The following RCL1 variants were observed in gnomAD, a reference collection of about 807,000 sequenced individuals.
RCL1 encodes the protein RNA terminal phosphate cyclase like 1, also known as RNA 3'-terminal phosphate cyclase-like protein.
In RCL1, 24 loss-of-function variants were observed where a neutral mutation model predicts 42.4. The observed-to-expected ratio is 0.57, with a 90% CI of 0.41 to 0.80. The LOEUF (loss-of-function observed/expected upper bound fraction) is 0.80, where lower values mean the gene tolerates loss of function less well. RCL1 is among the 30% of genes least tolerant of loss of function. RCL1 has a pLI of 0.00. For missense variants in RCL1, 578 were observed against 467.9 expected (o/e 1.24, Z -2.17); for synonymous variants, 228 against 177.3 (o/e 1.29, Z -2.27).
intron 5 of RCL1, 49 bp from the exon 6 acceptor site, chr9:4,841,183 C>A (rs763800528): frequency 6.2e-7 from 1 of 1,609,244 alleles, no homozygotes; most frequent in Non-Finnish European, 8.5e-7. Context: ...ACTGATTTTT[C>A]TCTGTCCTGG....
intron 1 of RCL1, among the ~76,000 whole-genome samples, chr9:4,816,290 C>G (rs1483238956): frequency 6.6e-6 from 1 of 152,158 alleles, no homozygotes; most frequent in Non-Finnish European, 1.5e-5. Context: ...TCTTTTGACA[C>G]TTTCAGTGTA....
intron 4 of RCL1, 65 bp from the exon 5 acceptor site, chr9:4,834,076 C>T: frequency 1.3e-6 from 2 of 1,553,842 alleles, no homozygotes; most frequent in Admixed American, 1.8e-5. Flanking sequence ...CCTTCCTGGG[C>T]AGGGTGTCAG....
chr9:4,835,220 G>A (rs892328139), intron 5 of RCL1, among the ~76,000 whole-genome samples: 6 of 152,214 alleles, frequency 3.9e-5, no homozygotes, highest in South Asian at 2.1e-4. Flanking sequence ...TATGCAGAAC[G>A]CAAAGAAAGG....
intron 7 of RCL1, among the ~76,000 whole-genome samples, chr9:4,847,370 G>A (rs554317073): frequency 1.2e-4 from 18 of 152,288 alleles, no homozygotes; most frequent in Non-Finnish European, 1.5e-5. Flanking sequence ...GATTGAATGA[G>A]TGGTAAAAAA....
chr9:4,840,887 G>A (rs1377906369), intron 5 of RCL1, among the ~76,000 whole-genome samples: 2 of 152,000 alleles, frequency 1.3e-5, no homozygotes, highest in African/African-American at 2.4e-5. Context: ...GCTTCAGAGG[G>A]AGCCTGGATC....
intron 1 of RCL1, among the ~76,000 whole-genome samples, chr9:4,793,465 A>G (rs1842865236): frequency 6.6e-6 from 1 of 152,254 alleles, no homozygotes; most frequent in South Asian, 2.1e-4. Flanking sequence ...GGGCGCTGGT[A>G]GTAAACAGCT....
At position 4,860,982 on chromosome 9, in the gene RCL1, G is replaced by A. The variant is rs1304138838; in HGVS notation, c.*707G>A. The A allele has an allele frequency of 6.6e-6, 1 of 152,136 alleles. No individual in the cohort carries two copies. The highest frequency in any genetic ancestry group is 1.5e-5 in the Non-Finnish European group (1 of 68,022). 9.4% of individuals were successfully genotyped at this position (152,136 alleles called of 1,614,324 possible). A position where few individuals can be genotyped will look rare whatever the true frequency, so the allele number is the denominator to read the frequency against. ...TTCACAATAGCTCTGTGATGTAAGT[G>A]CTATCTCCATGAGAAAATTCATAAA... On this transcript the variant is annotated 3_prime_UTR_variant, in exon 9 of 9. Transcript: ENST00000381750.
At chr9:4,795,732 T>C (rs1203889438) in intron 1 of RCL1, among the ~76,000 whole-genome samples, 1 of 152,206 alleles carries the variant, frequency 6.6e-6, no homozygotes, top group African/African-American at 2.4e-5. Context: ...TCCCTCATGG[T>C]GTGGGCTTTG....
chr9:4,830,323 G>C (rs1816904931), intron 3 of RCL1, among the ~76,000 whole-genome samples: 1 of 152,184 alleles, frequency 6.6e-6, no homozygotes, highest in Non-Finnish European at 1.5e-5. Flanking sequence ...GGAAACTTGA[G>C]CTTGCTTGTA....
intron 1 of RCL1, among the ~76,000 whole-genome samples, chr9:4,817,881 T>C (rs190912893): frequency 6.6e-6 from 1 of 151,710 alleles, no homozygotes; most frequent in African/African-American, 2.4e-5. Context: ...ATTTCTAAAC[T>C]CTCAGTTCAT....
At chr9:4,836,274 G>C (rs72697985) in intron 5 of RCL1, among the ~76,000 whole-genome samples, 5,403 of 152,242 alleles carry the variant, frequency 0.035, 140 homozygotes, top group South Asian at 0.13. Context: ...GTTGGATGCA[G>C]GTTGGCAAGG....
chr9:4,800,948 T>C (rs7018567), intron 1 of RCL1, among the ~76,000 whole-genome samples: 24,542 of 152,074 alleles, frequency 0.16, 2,279 homozygotes, highest in South Asian at 0.35. Flanking sequence ...GCCACCACAC[T>C]GGCCTGGATG....
At chr9:4,796,092 G>A (rs1842909288) in intron 1 of RCL1, among the ~76,000 whole-genome samples, 1 of 152,132 alleles carries the variant, frequency 6.6e-6, no homozygotes, top group Non-Finnish European at 1.5e-5. Flanking sequence ...TTTTTTTAAA[G>A]AAATTTTATT....
intron 8 of RCL1, among the ~76,000 whole-genome samples, chr9:4,853,488 AT>A (rs1817828240): frequency 6.6e-6 from 1 of 151,952 alleles, no homozygotes; most frequent in South Asian, 2.1e-4. Context: ...TGCCCGGCTA[AT>A]TTTTTGTATT....
chr9:4,836,084 G>C (rs776354525), intron 5 of RCL1, among the ~76,000 whole-genome samples: 1 of 152,102 alleles, frequency 6.6e-6, no homozygotes, highest in Non-Finnish European at 1.5e-5. Context: ...GTAAAGATGT[G>C]CCTTCACAGG....
At chr9:4,815,800 C>T (rs907428103) in intron 1 of RCL1, among the ~76,000 whole-genome samples, 3 of 152,110 alleles carry the variant, frequency 2.0e-5, no homozygotes, top group African/African-American at 7.2e-5. Context: ...CAGCTTAGGC[C>T]TATGAGGACT....
At chr9:4,855,593 C>T (rs543242093) in intron 8 of RCL1, among the ~76,000 whole-genome samples, 49 of 152,030 alleles carry the variant, frequency 3.2e-4, no homozygotes, top group Non-Finnish European at 5.6e-4. Context: ...ATTTGCTTTT[C>T]GTTTTCTTAA....
intron 1 of RCL1, among the ~76,000 whole-genome samples, chr9:4,811,742 G>A (rs1181447352): frequency 6.6e-6 from 1 of 152,132 alleles, no homozygotes; most frequent in African/African-American, 2.4e-5. Context: ...GGATCATATG[G>A]TAGTTCAATT....
chr9:4,823,695 CTT>C, intron 2 of RCL1, 76 bp downstream of exon 2: 2 of 978,340 alleles, frequency 2.0e-6, no homozygotes, highest in Non-Finnish European at 3.1e-6. Flanking sequence ...TTTTTCTTTC[CTT>C]TTTTTTTCTA....
Sources: allele counts gnomAD v4.1 joint callset (sites outside exome capture counted in the v4.1 genomes callset), GRCh38; gene constraint gnomAD v4.1.1; transcripts MANE v1.5; gene names NCBI Gene and HGNC (gene_info 2026-07-23, HGNC 2026-07-21).